The following CYRIB variants were observed in gnomAD, a reference collection of about 807,000 sequenced individuals.
CYRIB encodes CYFIP related Rac1 interactor B, also known as CYFIP-related Rac1 interactor B.
A neutral mutation model predicts 44.2 loss-of-function variants in CYRIB; 8 were observed. The observed-to-expected ratio is 0.18, with a 90% CI of 0.11 to 0.33. The LOEUF is 0.33. CYRIB is among the 10% of genes least tolerant of loss of function. The pLI is 1.00. For synonymous variants in CYRIB, 131 were observed against 127.2 expected, an observed-to-expected ratio of 1.03 and a Z score of -0.20; for missense variants, 185 against 382.8, an observed-to-expected ratio of 0.48 and a Z score of 4.31.
intron 1 of CYRIB, among the ~76,000 whole-genome samples, chr8:129,974,242 A>T (rs2095829138): frequency 6.6e-6 from 1 of 152,222 alleles, no homozygotes; most frequent in African/African-American, 2.4e-5. Context: ...CCTCAGGCCC[A>T]AAAGAATGAT....
exon 12 of CYRIB, chr8:129,840,062 G>T: frequency 6.4e-6 from 1 of 157,156 alleles, no homozygotes. Flanking sequence ...ACAGCCACAA[G>T]CGCAGGTAAG....
At chr8:129,891,975 T>C (rs1013442898) in intron 2 of CYRIB, among the ~76,000 whole-genome samples, 18 of 152,190 alleles carry the variant, frequency 1.2e-4, no homozygotes, top group African/African-American at 4.1e-4. Context: ...TTAGATCAGA[T>C]TGTCATGGTA....
intron 1 of CYRIB, among the ~76,000 whole-genome samples, chr8:129,994,373 C>T (rs1373627935): frequency 6.6e-6 from 1 of 152,222 alleles, no homozygotes; most frequent in Non-Finnish European, 1.5e-5. Flanking sequence ...AGCTCTCAGA[C>T]AGTAGATGTC....
At chr8:129,853,013 G>A (rs77874791) in intron 7 of CYRIB, among the ~76,000 whole-genome samples, 2 of 152,294 alleles carry the variant, frequency 1.3e-5, no homozygotes, top group East Asian at 1.9e-4. Flanking sequence ...TTGTAGGTCC[G>A]AAAATGAGTT....
chr8:129,948,964 A>C (rs186110375), intron 2 of CYRIB: 2 of 152,386 alleles, frequency 1.3e-5, no homozygotes, highest in Admixed American at 1.3e-4. Context: ...GGTCCCAGTT[A>C]CTTGGGAGGC....
At chr8:129,975,235 C>T (rs1224052774) in intron 1 of CYRIB, among the ~76,000 whole-genome samples, 1 of 151,810 alleles carries the variant, frequency 6.6e-6, no homozygotes, top group South Asian at 2.1e-4. Context: ...AGGCTGGTCT[C>T]GAACTCGTAA....
intron 1 of CYRIB, among the ~76,000 whole-genome samples, chr8:129,910,589 G>A (rs2077474040): frequency 6.6e-6 from 1 of 150,864 alleles, no homozygotes; most frequent in Non-Finnish European, 1.5e-5. Flanking sequence ...CTTAAGACCA[G>A]GAGTTTGAGA....
At chr8:129,842,430 A>T (rs1374271096) in intron 11 of CYRIB, among the ~76,000 whole-genome samples, 2 of 152,164 alleles carry the variant, frequency 1.3e-5, no homozygotes, top group Admixed American at 1.3e-4. Context: ...CTTAGTTACA[A>T]CTACACTGCT....
In CYRIB at chr8:130,010,142, T is replaced by C. The variant is rs373609028; in HGVS notation, c.-296+6228A>G. 1.6e-4 allele frequency among the ~76,000 whole-genome samples: 24 copies of C among 152,294 alleles called. 1 individual carries two copies. The South Asian group carries it at 4.8e-3, about 30-fold the overall frequency. ...ACAGAAAGAGGATTAGTCTCTGGCATGGTTTATGTTGATTTCAAAGCTGTC... is the reference window on the plus strand; with the variant it reads ...ACAGAAAGAGGATTAGTCTCTGGCACGGTTTATGTTGATTTCAAAGCTGTC... On this transcript the variant is annotated intron_variant, in intron 1 of 14. Transcript: ENST00000401979.
intron 2 of CYRIB, among the ~76,000 whole-genome samples, chr8:129,966,294 C>G (rs2095477109): frequency 6.6e-6 from 1 of 152,182 alleles, no homozygotes; most frequent in African/African-American, 2.4e-5. Context: ...AGAGAAAATC[C>G]TTGAAGCAGA....
intron 1 of CYRIB, among the ~76,000 whole-genome samples, chr8:129,930,009 G>A (rs1392067751): frequency 6.6e-6 from 1 of 151,962 alleles, no homozygotes; most frequent in African/African-American, 2.4e-5. Flanking sequence ...TCAGGAGTTC[G>A]AGACCAGCCT....
intron 1 of CYRIB, among the ~76,000 whole-genome samples, chr8:129,998,046 G>A (rs1032734910): frequency 6.6e-6 from 1 of 151,108 alleles, no homozygotes; most frequent in Non-Finnish European, 1.5e-5. Flanking sequence ...GTCTGAACTC[G>A]GGAGGCAGAG....
intron 2 of CYRIB, among the ~76,000 whole-genome samples, chr8:129,967,569 C>T (rs562600868): frequency 7.9e-5 from 12 of 151,834 alleles, no homozygotes; most frequent in East Asian, 1.9e-4. Flanking sequence ...TTAGTAGAGA[C>T]GGGGTTTCAC....
chr8:129,899,147 T>C (rs1459622743), intron 2 of CYRIB, among the ~76,000 whole-genome samples: 2 of 152,186 alleles, frequency 1.3e-5, no homozygotes, highest in East Asian at 1.9e-4. Context: ...TTTACAGGCA[T>C]GAACCACTGC....
chr8:129,992,993 T>G (rs1395077515), intron 1 of CYRIB, among the ~76,000 whole-genome samples: 1 of 152,066 alleles, frequency 6.6e-6, no homozygotes, highest in Non-Finnish European at 1.5e-5. Context: ...GCCTTTAAAT[T>G]CTACAAAACA....
Position 129,885,465 on chromosome 8 carries a change from T to A in CYRIB, c.-10-5994A>T, listed in dbSNP as rs543921613. Among the ~76,000 whole-genome samples the A allele has an allele frequency of 5.3e-5, 8 of 152,330 alleles. No homozygotes were observed. In the South Asian group the frequency reaches 1.7e-3, roughly 32 times the overall value. On this transcript the variant is annotated intron_variant, in intron 2 of 11. Transcript: ENST00000519824. ...GAGAAGGAAGGGGAAGAAAGAAAAG[T>A]AACAAACACACTAACCAGCTTCACT...
At chr8:129,962,136 A>G (rs2095289441) in intron 2 of CYRIB, among the ~76,000 whole-genome samples, 1 of 151,808 alleles carries the variant, frequency 6.6e-6, no homozygotes, top group Non-Finnish European at 1.5e-5. Flanking sequence ...GGTCCCAGCT[A>G]CTCGGGGAGG....
chr8:129,946,582 C>T (rs188101017), intron 2 of CYRIB, among the ~76,000 whole-genome samples: 170 of 152,184 alleles, frequency 1.1e-3, no homozygotes, highest in Middle Eastern at 0.01. Flanking sequence ...ACATCAGAGC[C>T]GCTATTCAAA....
intron 3 of CYRIB, among the ~76,000 whole-genome samples, chr8:129,878,973 G>C (rs2133862674): frequency 6.6e-6 from 1 of 152,204 alleles, no homozygotes; most frequent in African/African-American, 2.4e-5. Flanking sequence ...ATTGATATTT[G>C]AAATACTTAA....
Sources: allele counts gnomAD v4.1 joint callset (sites outside exome capture counted in the v4.1 genomes callset), GRCh38; gene constraint gnomAD v4.1.1; transcripts MANE v1.5; gene names NCBI Gene and HGNC (gene_info 2026-07-23, HGNC 2026-07-21).